The following DIP2C variants were observed in gnomAD, a reference collection of about 807,000 sequenced individuals.
DIP2C encodes DIP2 acetate--CoA ligase C (putative).
In DIP2C, 33 loss-of-function variants were observed where a neutral mutation model predicts 192.4. That is an observed-to-expected ratio of 0.17 (90% CI 0.13 to 0.23). The LOEUF is 0.23. DIP2C is among the 10% of genes least tolerant of loss of function. The pLI, the probability that DIP2C is intolerant of heterozygous loss-of-function variation, is 1.00. For synonymous variants in DIP2C, 979 were observed against 864.1 expected, an observed-to-expected ratio of 1.13 and a Z score of -2.33; for missense variants, 1,537 against 2,110.1, an observed-to-expected ratio of 0.73 and a Z score of 5.32.
intron 3 of DIP2C, among the ~76,000 whole-genome samples, chr10:469,796 T>C (rs1402010428): frequency 6.6e-6 from 1 of 152,188 alleles, no homozygotes; most frequent in Non-Finnish European, 1.5e-5. Flanking sequence ...CAAGTCCAAA[T>C]TCCCGAGCGT....
At chr10:642,570 T>C (rs1163341885) in intron 1 of DIP2C, among the ~76,000 whole-genome samples, 3 of 152,200 alleles carry the variant, frequency 2.0e-5, no homozygotes, top group African/African-American at 7.2e-5. Context: ...GTGATAAATA[T>C]CACTGCTGTT....
chr10:375,908 G>GTATT (rs1266235751), intron 17 of DIP2C, among the ~76,000 whole-genome samples: 2 of 152,112 alleles, frequency 1.3e-5, no homozygotes, highest in Non-Finnish European at 2.9e-5. Context: ...CTCCAATGTA[G>GTATT]TATTCCTCAG....
intron 5 of DIP2C, among the ~76,000 whole-genome samples, chr10:419,990 G>GC (rs1966071238): frequency 6.6e-6 from 1 of 152,138 alleles, no homozygotes; most frequent in Non-Finnish European, 1.5e-5. Flanking sequence ...CACTGATGAC[G>GC]CCCGTCACAC....
At chr10:291,270 G>A (rs563086212) in intron 32 of DIP2C, among the ~76,000 whole-genome samples, 4 of 152,364 alleles carry the variant, frequency 2.6e-5, no homozygotes, top group Admixed American at 6.5e-5. Context: ...AACCTTGTCT[G>A]AAGTGTTGAA....
intron 1 of DIP2C, chr10:662,889 G>A (rs760504184): frequency 2.0e-5 from 14 of 717,456 alleles, no homozygotes; most frequent in Admixed American, 4.0e-5. Context: ...CTAGCCCCAC[G>A]TGGAAGAGGC....
At chr10:548,724 A>G (rs1848434721) in intron 1 of DIP2C, among the ~76,000 whole-genome samples, 1 of 151,884 alleles carries the variant, frequency 6.6e-6, no homozygotes, top group Admixed American at 6.5e-5. Flanking sequence ...CAGACTGTGG[A>G]GCTTTCACGC....
intron 1 of DIP2C, among the ~76,000 whole-genome samples, chr10:511,495 G>A (rs986629644): frequency 5.9e-5 from 9 of 152,184 alleles, no homozygotes; most frequent in African/African-American, 1.9e-4. Context: ...GCTTAAACAC[G>A]GAGAAGTATG....
chr10:482,961 C>CT (rs1427020835), intron 2 of DIP2C, among the ~76,000 whole-genome samples: 22 of 152,204 alleles, frequency 1.4e-4, no homozygotes, highest in Non-Finnish European at 2.4e-4. Context: ...TCTGACCCTT[C>CT]TTTCACTGCA....
chr10:451,123 C>T (rs1283280387), intron 3 of DIP2C, among the ~76,000 whole-genome samples: 2 of 152,134 alleles, frequency 1.3e-5, no homozygotes, highest in African/African-American at 4.8e-5. Flanking sequence ...GCAACAAACC[C>T]TCCCAGCCCT....
At chr10:627,780 G>A (rs867073413) in intron 1 of DIP2C, among the ~76,000 whole-genome samples, 1 of 152,238 alleles carries the variant, frequency 6.6e-6, no homozygotes, top group Non-Finnish European at 1.5e-5. Flanking sequence ...CAGACCGCAC[G>A]GCTCAGCCAC....
intron 1 of DIP2C, among the ~76,000 whole-genome samples, chr10:676,082 T>G (rs1395300070): frequency 6.6e-6 from 1 of 152,204 alleles, no homozygotes; most frequent in Non-Finnish European, 1.5e-5. Context: ...GTGGGATTTC[T>G]CCCAGGATGC....
intron 1 of DIP2C, among the ~76,000 whole-genome samples, chr10:561,330 T>C (rs1849204874): frequency 6.6e-6 from 1 of 152,200 alleles, no homozygotes; most frequent in East Asian, 1.9e-4. Context: ...AGGCAGCAAT[T>C]GCCCACTGTA....
chr10:522,363 TA>T (rs1406802839), intron 1 of DIP2C, among the ~76,000 whole-genome samples: 2 of 152,270 alleles, frequency 1.3e-5, no homozygotes, highest in Non-Finnish European at 2.9e-5. Flanking sequence ...TTTTGGCAGT[TA>T]TAAAAGCTGC....
chr10:439,136 G>A (rs963778094), intron 4 of DIP2C, among the ~76,000 whole-genome samples: 6 of 152,326 alleles, frequency 3.9e-5, no homozygotes, highest in African/African-American at 9.6e-5. Flanking sequence ...ATGAGCTACC[G>A]TGCCTAGCCC....
intron 5 of DIP2C, among the ~76,000 whole-genome samples, chr10:422,493 C>A (rs556585966): frequency 6.6e-6 from 1 of 152,278 alleles, no homozygotes; most frequent in South Asian, 2.1e-4. Flanking sequence ...ATGACTCCCA[C>A]GGTCAGGACG....
Position 320,888 on chromosome 10 carries a change from G to A in DIP2C, c.3924+6118C>T, listed in dbSNP as rs185573699. Among the ~76,000 whole-genome samples the A allele has an allele frequency of 4.1e-4, 62 of 152,320 alleles. 1 individual carries two copies. Among genetic ancestry groups the A allele is most frequent in the African/African-American group, 1.3e-3 (54 of 41,568 alleles). ...TGAAGGAGGAGGAACAAAGTACACT[G>A]GCAATTCAGAGGAAAGAGAGCACCG... On this transcript the variant is annotated intron_variant, in intron 31 of 36. Transcript: ENST00000280886.
At chr10:578,215 C>T (rs1247638511) in intron 1 of DIP2C, among the ~76,000 whole-genome samples, 1 of 152,154 alleles carries the variant, frequency 6.6e-6, no homozygotes, top group Admixed American at 6.5e-5. Flanking sequence ...TCAACGTTAA[C>T]AAAGAAGATA....
At chr10:378,554 C>T (rs1225524856) in intron 17 of DIP2C, among the ~76,000 whole-genome samples, 1 of 151,758 alleles carries the variant, frequency 6.6e-6, no homozygotes, top group Non-Finnish European at 1.5e-5. Flanking sequence ...CACATGCAGA[C>T]ACGTGAACAC....
At chr10:631,839 A>C (rs902656709) in intron 1 of DIP2C, among the ~76,000 whole-genome samples, 4 of 152,216 alleles carry the variant, frequency 2.6e-5, no homozygotes, top group African/African-American at 9.6e-5. Context: ...AGGCATTTTC[A>C]TATGTTTACC....
Sources: allele counts gnomAD v4.1 joint callset (sites outside exome capture counted in the v4.1 genomes callset), GRCh38; gene constraint gnomAD v4.1.1; transcripts MANE v1.5; gene names NCBI Gene and HGNC (gene_info 2026-07-23, HGNC 2026-07-21).